GPR157: variants seen among roughly 807,000 people sequenced by gnomAD.
The protein encoded by GPR157 is G-protein coupled receptor 157.
A neutral mutation model predicts 23.5 loss-of-function variants in GPR157; 16 were observed. The ratio of observed to expected loss-of-function variants is 0.68; its 90% CI spans 0.46 to 1.04. The LOEUF (loss-of-function observed/expected upper bound fraction) is 1.04. Among genes scored for constraint, GPR157 ranks in the 50% least tolerant of loss-of-function variants. The probability of loss-of-function intolerance (pLI) is 0.00; values close to 1 mark genes in which losing one functional copy is unlikely to be tolerated. For synonymous variants in GPR157, 200 were observed against 221.5 expected (o/e 0.90, Z 0.86); for missense variants, 440 against 460.7 (o/e 0.96, Z 0.41).
chr1:9,106,432 C>T (rs1171575441), intron 2 of GPR157, among the ~76,000 whole-genome samples: 2 of 152,198 alleles, frequency 1.3e-5, no homozygotes, highest in Non-Finnish European at 2.9e-5. Flanking sequence ...CTCCCCACTC[C>T]ACATGCTCCT....
At chr1:9,104,888 C>A (rs566770739) in intron 3 of GPR157, among the ~76,000 whole-genome samples, 1 of 151,654 alleles carries the variant, frequency 6.6e-6, no homozygotes, top group Admixed American at 6.6e-5. Context: ...GTAGTCCCAG[C>A]GACACGGAGG....
chr1:9,112,754 A>T (rs992018453), intron 1 of GPR157, among the ~76,000 whole-genome samples: 1 of 152,148 alleles, frequency 6.6e-6, no homozygotes, highest in African/African-American at 2.4e-5. Context: ...TGTCCAGCCC[A>T]GGCTCAGTTT....
In GPR157 at chr1:9,119,567, T is replaced by C. The variant is rs555248767; in HGVS notation, c.384-8078A>G. On this transcript the variant is annotated intron_variant, in intron 1 of 3. Coordinates refer to ENST00000377411, the MANE Select transcript of GPR157 (RefSeq NM_024980.5). The stretch of plus-strand genomic sequence containing the variant: ...AAGCCCCCAGGCTGTGGTACTTTGT[T>C]AGGGCAGCCTGAGGCTTTCTACAGA... Among the ~76,000 whole-genome samples the C allele has an allele frequency of 5.1e-4, 77 of 152,278 alleles. 1 individual carries two copies. The highest frequency in any genetic ancestry group is 1.8e-3 in the African/African-American group (76 of 41,558).
At position 9,104,729 on chromosome 1, in the gene GPR157, G is replaced by C. The variant is rs1019374095; in HGVS notation, c.793-95C>G. ...TAAGAGAAACGGCTAGGCTGGGTGC[G>C]GTGGCTCACACCTGTAATCCCAGCC... On this transcript the variant is annotated intron_variant, in intron 3 of 3. Coordinates refer to ENST00000377411, the MANE Select transcript of GPR157 (RefSeq NM_024980.5). 4 of 886,948 alleles carry C rather than the reference G, an allele frequency of 4.5e-6. No individual in the cohort carries two copies. In the African/African-American group the frequency reaches 6.7e-5, roughly 15 times the overall value. The allele number at this position is 886,948 out of a possible 1,614,324, so 54.9% of individuals were successfully genotyped here.
At chr1:9,109,741 C>T (rs572541815) in intron 2 of GPR157, among the ~76,000 whole-genome samples, 1 of 152,266 alleles carries the variant, frequency 6.6e-6, no homozygotes, top group South Asian at 2.1e-4. Context: ...CCATCTCCAG[C>T]AAGGACTCCA....
chr1:9,117,228 C>T (rs1638701921), intron 1 of GPR157, among the ~76,000 whole-genome samples: 1 of 152,118 alleles, frequency 6.6e-6, no homozygotes, highest in Non-Finnish European at 1.5e-5. Flanking sequence ...AATCGGGTCT[C>T]TCAAGCTGGC....
At chr1:9,108,931 GC>G (rs2124510126) in intron 2 of GPR157, among the ~76,000 whole-genome samples, 1 of 151,946 alleles carries the variant, frequency 6.6e-6, no homozygotes, top group South Asian at 2.1e-4. Context: ...GACTACAGGT[GC>G]CCACCACCAC....
In GPR157 at chr1:9,120,942, A is replaced by G. The variant is rs1186820977; in HGVS notation, c.383+7703T>C. Among the ~76,000 whole-genome samples, 1 of 152,208 alleles carries G rather than the reference A, an allele frequency of 6.6e-6. No homozygotes were observed. The highest frequency in any genetic ancestry group is 1.5e-5 in the Non-Finnish European group (1 of 68,032). ...GACATGGGGTACTATTCATGTGGCC[A>G]CTGCATCCATCCCTCATTCAGATGC... On this transcript the variant is annotated intron_variant, in intron 1 of 3. Coordinates refer to ENST00000377411, the MANE Select transcript of GPR157 (RefSeq NM_024980.5). This position sits in a 1 kb window ranked among gnomAD's most constrained non-coding sequence, Gnocchi z 4.1.
At chr1:9,113,263 G>A (rs980774634) in intron 1 of GPR157, among the ~76,000 whole-genome samples, 1 of 152,166 alleles carries the variant, frequency 6.6e-6, no homozygotes, top group Non-Finnish European at 1.5e-5. Flanking sequence ...CCTAGGTCAG[G>A]TGCCTGGAGC....
At position 9,103,079 on chromosome 1, in the gene GPR157, G is replaced by A. The variant is rs1020866756; in HGVS notation, c.*1340C>T. The A allele has an allele frequency of 1.4e-5, 2 of 140,042 alleles. No individual in the cohort carries two copies. The highest frequency in any genetic ancestry group is 2.7e-5 in the African/African-American group (1 of 36,660). The allele number at this position is 140,042 out of a possible 1,614,324, so 8.7% of individuals were successfully genotyped here. ...AGGCACGCACCACCACATCAGCTCC[G>A]GGCGACAGAATGAGGCTCCTTTTTT... is the stretch of plus-strand genomic sequence containing the variant. On this transcript the variant is annotated 3_prime_UTR_variant, in exon 4 of 4. Transcript: ENST00000377411.
chr1:9,107,913 C>G lies in GPR157; in HGVS notation c.598-2233G>C, dbSNP rs375370834. Among the ~76,000 whole-genome samples, 21 of 152,122 alleles carry G rather than the reference C, an allele frequency of 1.4e-4. No individual in the cohort carries two copies. The East Asian group carries it at 2.5e-3, about 18-fold the overall frequency. On this transcript the variant is annotated intron_variant, in intron 2 of 3. Transcript: ENST00000377411. The stretch of plus-strand genomic sequence containing the variant: ...TTATACTCCAACCTGGGCAACAGAG[C>G]AAGACTCTGCCTTAAAAACAAAAAC...
Position 9,128,021 on chromosome 1 carries a change from G to C in GPR157, c.383+624C>G, listed in dbSNP as rs888419937. 6.6e-5 allele frequency among the ~76,000 whole-genome samples: 10 copies of C among 151,992 alleles called. No homozygotes were observed. The highest frequency in any genetic ancestry group is 2.4e-4 in the African/African-American group (10 of 41,384). ...TCCGAGACTCCCAGACCAGCCCTCC[G>C]CCCCTGCCCTCAATCTCAGAATTGC... On this transcript the variant is annotated intron_variant, in intron 1 of 3. Coordinates refer to ENST00000377411, the MANE Select transcript of GPR157 (RefSeq NM_024980.5). This position sits in a 1 kb window ranked among gnomAD's most constrained non-coding sequence, Gnocchi z 6.3.
rs1371274136 is a variant in GPR157 at position 9,108,517 on chromosome 1, C to T, written c.597+2759G>A. 7.2e-5 allele frequency among the ~76,000 whole-genome samples: 11 copies of T among 152,306 alleles called. 1 individual carries two copies. In the South Asian group the frequency reaches 1.9e-3, roughly 26 times the overall value. On this transcript the variant is annotated intron_variant, in intron 2 of 3. Transcript: ENST00000377411. Reference sequence around the variant, plus strand: ...GTCCTGGGCAGGGCCTGGCGGAGTGCCTGGGATACTTCATCAGGGGTCCCG... The same window carrying T: ...GTCCTGGGCAGGGCCTGGCGGAGTGTCTGGGATACTTCATCAGGGGTCCCG...
chr1:9,106,047 C>T (rs1323748062), intron 2 of GPR157, among the ~76,000 whole-genome samples: 12 of 152,146 alleles, frequency 7.9e-5, no homozygotes, highest in Admixed American at 7.9e-4. Flanking sequence ...CATCCGATCC[C>T]CAGCAAGTCC....
rs2124535768 is a variant in GPR157, at chr1:9,128,753, C to T, written c.275G>A (p.Ser92Asn). The change falls in exon 1 of 4, where the codon AGC (serine) becomes AAC (asparagine). Residue 92 changes from serine to asparagine, a missense_variant. Transcript: ENST00000377411. This position sits in a 1 kb window ranked among gnomAD's most constrained non-coding sequence, Gnocchi z 6.3. Reference protein sequence around the residue: ...QGALSTFANTSSFFWTVAIAL... With the variant: ...QGALSTFANTNSFFWTVAIAL... ...AATGGCCACGGTCCAGAAGAAGGAGCTGGTGTTGGCGAAGGTGGACAGCGC... is the reference window on the plus strand; with the variant it reads ...AATGGCCACGGTCCAGAAGAAGGAGTTGGTGTTGGCGAAGGTGGACAGCGC... The T allele has an allele frequency of 6.2e-7, 1 of 1,612,954 alleles. No individual in the cohort carries two copies. Among genetic ancestry groups the T allele is most frequent in the South Asian group, 1.1e-5 (1 of 91,058 alleles).
At position 9,105,003 on chromosome 1, in the gene GPR157, ACC is replaced by A. The variant is rs57717142; in HGVS notation, c.793-371_793-370del. Among the ~76,000 whole-genome samples, 26 of 109,558 alleles carry A rather than the reference ACC, an allele frequency of 2.4e-4. 2 individuals carry two copies. Among genetic ancestry groups the A allele is most frequent in the African/African-American group, 8.3e-4 (24 of 28,764 alleles). The allele number at this position is 109,558 out of a possible 152,430, so 71.9% of individuals were successfully genotyped here. ...TGACAAAGCCAGACTCTGTCCCCGC[ACC>A]CCCCCCCAAAAAAGAGAAATGGCTG... On this transcript the variant is annotated intron_variant, in intron 3 of 3. Coordinates refer to ENST00000377411, the MANE Select transcript of GPR157 (RefSeq NM_024980.5). This position sits in a 1 kb window ranked among gnomAD's most constrained non-coding sequence, Gnocchi z 4.8.
rs1557701496 is a variant in GPR157, at chr1:9,123,801, T to TTTA, written c.383+4843_383+4844insTAA. The stretch of plus-strand genomic sequence containing the variant: ...TTAAATATATATTTAATATTATATA[T>TTTA]ATATAATATTAAATATATATACAAA... On this transcript the variant is annotated intron_variant, in intron 1 of 3. Coordinates refer to ENST00000377411, the MANE Select transcript of GPR157 (RefSeq NM_024980.5). 9.0e-3 allele frequency among the ~76,000 whole-genome samples: 1,169 copies of TTTA among 129,770 alleles called. 28 individuals carry two copies. Among genetic ancestry groups the TTTA allele is most frequent in the African/African-American group, 0.026 (879 of 34,398 alleles). 85.1% of individuals were successfully genotyped at this position (129,770 alleles called of 152,430 possible). A position where few individuals can be genotyped will look rare whatever the true frequency, so the allele number is the denominator to read the frequency against.
chr1:9,119,853 T>A (rs1305244064), intron 1 of GPR157, among the ~76,000 whole-genome samples: 1 of 152,178 alleles, frequency 6.6e-6, no homozygotes. Context: ...TGCCGGGGAT[T>A]AGCCAAGCAG....
chr1:9,119,279 C>T (rs936260113), intron 1 of GPR157, among the ~76,000 whole-genome samples: 1 of 152,166 alleles, frequency 6.6e-6, no homozygotes, highest in South Asian at 2.1e-4. Flanking sequence ...GTGATCCGCC[C>T]ACCTCGGCCT....
Sources: gnomAD v4.1 joint callset for allele counts (sites outside exome capture counted in the v4.1 genomes callset) on GRCh38, gnomAD v4.1.1 for gene constraint, Gnocchi (gnomAD v3.1) non-coding constraint, MANE v1.5 for transcripts, NCBI Gene and HGNC (gene_info 2026-07-23, HGNC 2026-07-21) for gene names.